The following CDH3 variants were observed in gnomAD, a reference collection of about 807,000 sequenced individuals.
The protein encoded by CDH3 is cadherin-3.
A neutral mutation model predicts 82.0 loss-of-function variants in CDH3; 54 were observed. That is an observed-to-expected ratio of 0.66 (90% CI 0.53 to 0.83). CDH3 has a LOEUF of 0.83. Ranked by LOEUF, CDH3 falls within the 40% of genes least tolerant of loss-of-function variation. The probability of loss-of-function intolerance (pLI) is 0.00; values close to 1 mark genes in which losing one functional copy is unlikely to be tolerated. For missense variants in CDH3, 1,054 were observed against 1,084.6 expected (o/e 0.97, Z 0.40); for synonymous variants, 446 against 437.9 (o/e 1.02, Z -0.23).
At chr16:68,645,806 T>G (rs1207989760) in intron 2 of CDH3, 56 bp downstream of exon 2, 2 of 1,366,186 alleles carry the variant, frequency 1.5e-6, no homozygotes, top group East Asian at 2.5e-5. Flanking sequence ...CATTTTGGTG[T>G]GGACCGCGCG....
chr16:68,693,199 A>T (rs1961621734), intron 13 of CDH3, among the ~76,000 whole-genome samples: 1 of 152,034 alleles, frequency 6.6e-6, no homozygotes, highest in Admixed American at 6.6e-5. Flanking sequence ...TATTGTGAAG[A>T]CTCTGGGTAG....
downstream of CDH3, among the ~76,000 whole-genome samples, chr16:68,700,886 G>A (rs1961884190): frequency 6.6e-6 from 1 of 152,058 alleles, no homozygotes; most frequent in Non-Finnish European, 1.5e-5. Flanking sequence ...GGATGAGAAA[G>A]CTCACCTGTC....
intron 2 of CDH3, among the ~76,000 whole-genome samples, chr16:68,726,114 T>C (rs1239842791): frequency 6.6e-6 from 1 of 152,142 alleles, no homozygotes; most frequent in Non-Finnish European, 1.5e-5. Flanking sequence ...CTGAAGTCTA[T>C]GCTGGGAACC....
intron 2 of CDH3, among the ~76,000 whole-genome samples, chr16:68,724,213 C>G (rs1204899218): frequency 6.6e-6 from 1 of 152,006 alleles, no homozygotes; most frequent in African/African-American, 2.4e-5. Context: ...CCAGCCTGGG[C>G]GACAGAGCAA....
At chr16:68,696,365 C>A (rs1961721927) in intron 15 of CDH3, 2 of 312,146 alleles carry the variant, frequency 6.4e-6, no homozygotes, top group African/African-American at 2.2e-5. Flanking sequence ...TTGCAGTGAG[C>A]CGACATCACG....
At chr16:68,672,286 C>G (rs913596454) in intron 2 of CDH3, among the ~76,000 whole-genome samples, 3 of 147,114 alleles carry the variant, frequency 2.0e-5, no homozygotes, top group African/African-American at 7.5e-5. Context: ...AGTCATTTTT[C>G]TGTGCATAGT....
At chr16:68,720,219 G>A (rs1484874022) in intron 1 of CDH3, among the ~76,000 whole-genome samples, 2 of 151,558 alleles carry the variant, frequency 1.3e-5, no homozygotes, top group Non-Finnish European at 2.9e-5. Flanking sequence ...CAAAAAGTGT[G>A]AATTTTACCA....
downstream of CDH3, among the ~76,000 whole-genome samples, chr16:68,728,228 C>A (rs1174801325): frequency 6.6e-6 from 1 of 152,094 alleles, no homozygotes; most frequent in African/African-American, 2.4e-5. Context: ...CGCAGTGGCA[C>A]GATCTCGGCT....
At chr16:68,712,793 T>C (rs1275049815) in intron 1 of CDH3, among the ~76,000 whole-genome samples, 1 of 152,060 alleles carries the variant, frequency 6.6e-6, no homozygotes, top group Non-Finnish European at 1.5e-5. Context: ...GCAATTCTCC[T>C]GCCTCAGCCT....
intron 15 of CDH3, chr16:68,696,602 A>G (rs1415056301): frequency 6.1e-6 from 1 of 164,126 alleles, no homozygotes; most frequent in Non-Finnish European, 1.3e-5. Context: ...TTATGGCTGT[A>G]GTGAATGCCG....
intron 7 of CDH3, 48 bp downstream of exon 7, chr16:68,680,022 T>G: frequency 6.4e-7 from 1 of 1,572,912 alleles, no homozygotes; most frequent in Non-Finnish European, 8.8e-7. Context: ...TTGCCCAGGC[T>G]GGGAACTGAC....
chr16:68,654,497 G>A lies in CDH3; in HGVS notation c.160+8747G>A, dbSNP rs1960354023. On this transcript the variant is annotated intron_variant, in intron 2 of 15. Coordinates refer to ENST00000264012, the MANE Select transcript of CDH3 (RefSeq NM_001793.6). ...GCAGGCGGATCACCTGAGGTCAAGA[G>A]TTCGAGACCAGCCTGGCCAACATGG... is the stretch of plus-strand genomic sequence containing the variant. Among the ~76,000 whole-genome samples, 4 of 128,338 alleles carry A rather than the reference G, an allele frequency of 3.1e-5. No homozygotes were observed. The South Asian group carries it at 1.1e-3, about 34-fold the overall frequency. 84.2% of individuals were successfully genotyped at this position (128,338 alleles called of 152,430 possible).
At chr16:68,714,948 A>G (rs1213565690) in intron 1 of CDH3, among the ~76,000 whole-genome samples, 2 of 151,862 alleles carry the variant, frequency 1.3e-5, no homozygotes, top group African/African-American at 4.8e-5. Context: ...TGAGGCTGGC[A>G]GTGAGCTATG....
intron 9 of CDH3, 33 bp downstream of exon 9, chr16:68,682,520 A>T (rs778164620): frequency 6.2e-7 from 1 of 1,604,786 alleles, no homozygotes; most frequent in South Asian, 1.1e-5. Flanking sequence ...CAATGGCTAT[A>T]CCTGGGGCAG....
rs1961581617 is a variant in CDH3 at position 68,691,765 on chromosome 16, C to T, written c.1841C>T (p.Thr614Ile). The change falls in exon 13 of 16, where the codon ACA becomes ATA. Residue 614 changes from threonine (T) to isoleucine (I), a missense_variant. By Grantham distance (89) the Thr-to-Ile change is moderately conservative. Coordinates refer to ENST00000264012, the MANE Select transcript of CDH3 (RefSeq NM_001793.6). ...CTGAAGAAGTTCCTGAAGCAGGATA[C>T]ATATGACGTGCACCTTTCTCTGTCT... The part of the protein sequence containing the change: ...LSLKKFLKQD[T>I]YDVHLSLSDH... The T allele has an allele frequency of 1.2e-6, 2 of 1,614,184 alleles. No homozygotes were observed. Among genetic ancestry groups the T allele is most frequent in the South Asian group, 1.1e-5 (1 of 91,088 alleles).
chr16:68,652,650 A>G (rs1375852104), intron 2 of CDH3, among the ~76,000 whole-genome samples: 1 of 151,634 alleles, frequency 6.6e-6, no homozygotes, highest in East Asian at 1.9e-4. Flanking sequence ...CAAACTTAAA[A>G]CCCCTGTGTT....
At chr16:68,681,924 A>C (rs2152101504) in intron 8 of CDH3, among the ~76,000 whole-genome samples, 1 of 152,282 alleles carries the variant, frequency 6.6e-6, no homozygotes, top group Admixed American at 6.5e-5. Flanking sequence ...ACCTCCAAAA[A>C]ATTTCTGTTC....
intron 2 of CDH3, among the ~76,000 whole-genome samples, chr16:68,654,986 A>C (rs1162898841): frequency 2.0e-5 from 3 of 152,114 alleles, no homozygotes; most frequent in Non-Finnish European, 4.4e-5. Context: ...CAGTGAGCCG[A>C]GATTGCACCA....
At chr16:68,691,555 C>T (rs1013831142) in intron 12 of CDH3, among the ~76,000 whole-genome samples, 165 bp from the exon 13 acceptor site, 2 of 152,090 alleles carry the variant, frequency 1.3e-5, no homozygotes. Context: ...GTGAATTTTG[C>T]TTTAGCCAAA....
Sources: allele counts gnomAD v4.1 joint callset (sites outside exome capture counted in the v4.1 genomes callset), GRCh38; gene constraint gnomAD v4.1.1; transcripts MANE v1.5; gene names NCBI Gene and HGNC (gene_info 2026-07-23, HGNC 2026-07-21).